Variants in DNM2 observed in about 807,000 individuals in gnomAD.
DNM2 encodes dynamin-2.
In DNM2, 15 loss-of-function variants were observed where a neutral mutation model predicts 99.0. That is an observed-to-expected ratio of 0.15 (90% CI 0.10 to 0.23). The LOEUF (loss-of-function observed/expected upper bound fraction) is 0.23, where lower values mean the gene tolerates loss of function less well. Ranked by LOEUF, DNM2 falls within the 10% of genes least tolerant of loss-of-function variation. The probability of loss-of-function intolerance (pLI) is 1.00; values close to 1 mark genes in which losing one functional copy is unlikely to be tolerated. For synonymous variants in DNM2, 525 were observed against 481.2 expected (o/e 1.09, Z -1.19); for missense variants, 742 against 1,189.4 (o/e 0.62, Z 5.53).
chr19:10,726,998 T>G (rs2145687941), intron 1 of DNM2, among the ~76,000 whole-genome samples: 1 of 152,314 alleles, frequency 6.6e-6, no homozygotes, highest in Non-Finnish European at 1.5e-5. Flanking sequence ...CAAGACCTGT[T>G]AGGTACCAGA....
chr19:10,753,562 C>T (rs958454966), intron 1 of DNM2, among the ~76,000 whole-genome samples: 3 of 151,902 alleles, frequency 2.0e-5, no homozygotes, highest in African/African-American at 7.3e-5. Context: ...CTAGAAAGGA[C>T]AGGCTCTTTT....
At chr19:10,730,522 C>T (rs1480333914) in intron 1 of DNM2, among the ~76,000 whole-genome samples, 1 of 151,958 alleles carries the variant, frequency 6.6e-6, no homozygotes, top group Non-Finnish European at 1.5e-5. Flanking sequence ...GTGAATTTCA[C>T]TGCACAGTCA....
chr19:10,746,330 C>T (rs1484295410), intron 1 of DNM2, among the ~76,000 whole-genome samples: 2 of 144,166 alleles, frequency 1.4e-5, no homozygotes, highest in South Asian at 2.1e-4. Context: ...GAGGAGGGCA[C>T]GGAGGTGACA....
intron 2 of DNM2, among the ~76,000 whole-genome samples, chr19:10,771,415 A>G (rs563770954): frequency 6.6e-6 from 1 of 152,216 alleles, no homozygotes; most frequent in African/African-American, 2.4e-5. Flanking sequence ...TCAGGGTTAT[A>G]CCCAGAAAAC....
chr19:10,778,053 T>TTATTTATG (rs1202736571), intron 5 of DNM2, among the ~76,000 whole-genome samples: 2 of 151,266 alleles, frequency 1.3e-5, no homozygotes, highest in Admixed American at 6.6e-5. Context: ...ATTTATTTAT[T>TTATTTATG]TATGAGACGG....
chr19:10,730,714 C>T (rs1019515362), intron 1 of DNM2, among the ~76,000 whole-genome samples: 14 of 152,178 alleles, frequency 9.2e-5, no homozygotes, highest in Admixed American at 8.5e-4. Context: ...GCGTGGGTGT[C>T]TATCTGCGTT....
At chr19:10,743,804 T>C (rs1437812000) in intron 1 of DNM2, among the ~76,000 whole-genome samples, 2 of 82,242 alleles carry the variant, frequency 2.4e-5, no homozygotes, top group Non-Finnish European at 4.4e-5. Context: ...AGCGAGACTC[T>C]GTCTCAAAAA....
In DNM2 at chr19:10,816,832, T is replaced by C. The variant is rs910456391; in HGVS notation, c.1672-3148T>C. 7.9e-5 allele frequency among the ~76,000 whole-genome samples: 12 copies of C among 152,298 alleles called. No homozygotes were observed. The highest frequency in any genetic ancestry group is 3.4e-3 in the Middle Eastern group (1 of 294). On this transcript the variant is annotated intron_variant, in intron 15 of 20. Coordinates refer to ENST00000389253, the MANE Select transcript of DNM2 (RefSeq NM_001005361.3). The surrounding 1 kb of genome is among the most constrained non-coding windows in gnomAD (Gnocchi z 4.6). ...TTGCAAGTCTAGTTTTCAGATCTCC[T>C]CTTCCTTCACGTGAGGGGCCCTTCG...
At chr19:10,819,841 C>A in intron 15 of DNM2, 139 bp from the exon 16 acceptor site, 1 of 783,116 alleles carries the variant, frequency 1.3e-6, no homozygotes. Flanking sequence ...GAAGGGCCGG[C>A]AGATGGGCTC....
At chr19:10,805,821 T>G in intron 12 of DNM2, 95 bp from the exon 13 acceptor site, 1 of 1,534,368 alleles carries the variant, frequency 6.5e-7, no homozygotes, top group Non-Finnish European at 9.0e-7. Flanking sequence ...GGCTGCTCAC[T>G]TGGTCCCCAG....
intron 1 of DNM2, among the ~76,000 whole-genome samples, chr19:10,756,235 T>C (rs955065178): frequency 3.3e-5 from 5 of 152,070 alleles, no homozygotes; most frequent in African/African-American, 1.2e-4. Context: ...GCCTCCCAAT[T>C]GATGTAGCTT....
At chr19:10,783,705 A>ATTATTT (rs1555707873) in intron 6 of DNM2, among the ~76,000 whole-genome samples, 15 of 145,324 alleles carry the variant, frequency 1.0e-4, no homozygotes, top group Admixed American at 5.5e-4. Context: ...TATTATTATT[A>ATTATTT]TTTTTTATTT....
chr19:10,757,556 C>T (rs747532127), intron 1 of DNM2, among the ~76,000 whole-genome samples: 20 of 152,142 alleles, frequency 1.3e-4, no homozygotes, highest in African/African-American at 4.3e-4. Flanking sequence ...GATGCTGTCT[C>T]GTTCTGTACA....
intron 1 of DNM2, chr19:10,755,195 C>T (rs777293387): frequency 6.6e-6 from 1 of 152,184 alleles, no homozygotes; most frequent in Admixed American, 6.5e-5. Context: ...GGTGACTAGA[C>T]GAACAGACTG....
At position 10,718,101 on chromosome 19, in the gene DNM2, C is replaced by T. The variant is rs1003312306; in HGVS notation, c.-142C>T. The T allele has an allele frequency of 2.1e-5, 21 of 1,013,328 alleles. No homozygotes were observed. The African/African-American group carries it at 2.2e-4, about 11-fold the overall frequency. The allele number at this position is 1,013,328 out of a possible 1,614,324, so 62.8% of individuals were successfully genotyped here. The stretch of plus-strand genomic sequence containing the variant: ...CCTGAGAACCGGATGAGGCGGCGAC[C>T]GTGAGGCCGAGCCGGGAGCGGGCGT... On this transcript the variant is annotated 5_prime_UTR_variant, in exon 1 of 21. Transcript: ENST00000389253.
intron 1 of DNM2, among the ~76,000 whole-genome samples, chr19:10,736,350 G>A (rs557157239): frequency 7.2e-5 from 11 of 152,192 alleles, no homozygotes; most frequent in African/African-American, 2.2e-4. Context: ...CTGGGCTGGT[G>A]ATGCTCCTGC....
intron 1 of DNM2, among the ~76,000 whole-genome samples, chr19:10,727,269 C>T (rs769896111): frequency 1.7e-4 from 26 of 152,090 alleles, no homozygotes; most frequent in Non-Finnish European, 3.1e-4. Flanking sequence ...CATTGAAATC[C>T]CCTGGTAATA....
intron 3 of DNM2, among the ~76,000 whole-genome samples, chr19:10,773,698 G>T (rs1181098019): frequency 1.3e-5 from 2 of 151,032 alleles, no homozygotes; most frequent in African/African-American, 4.9e-5. Flanking sequence ...GAACTCCTGA[G>T]CTCAGGCAAT....
chr19:10,722,238 G>A (rs1321823018), intron 1 of DNM2, among the ~76,000 whole-genome samples: 1 of 152,112 alleles, frequency 6.6e-6, no homozygotes, highest in Non-Finnish European at 1.5e-5. Context: ...CACTCCAGCT[G>A]CCACAGTCCC....
Sources: allele counts gnomAD v4.1 joint callset (sites outside exome capture counted in the v4.1 genomes callset), GRCh38; gene constraint gnomAD v4.1.1; non-coding constraint Gnocchi (gnomAD v3.1); transcripts MANE v1.5; gene names NCBI Gene and HGNC (gene_info 2026-07-23, HGNC 2026-07-21).